Variants in RBM33 observed in about 807,000 individuals in gnomAD.
RBM33 encodes RNA-binding protein 33.
Under a neutral mutation model 132.6 loss-of-function variants are expected in RBM33, and 28 were observed. The ratio of observed to expected loss-of-function variants is 0.21; its 90% confidence interval spans 0.16 to 0.29. The LOEUF (loss-of-function observed/expected upper bound fraction) is 0.29, where lower values mean the gene tolerates loss of function less well. Ranked by LOEUF, RBM33 falls within the 10% of genes least tolerant of loss-of-function variation. The pLI is 1.00. For missense variants in RBM33, 1,291 were observed against 1,518.5 expected, an observed-to-expected ratio of 0.85 and a Z score of 2.49; for synonymous variants, 634 against 593.0, an observed-to-expected ratio of 1.07 and a Z score of -1.01.
chr7:155,665,612 GT>G (rs545904622), intron 2 of RBM33, among the ~76,000 whole-genome samples: 1 of 152,128 alleles, frequency 6.6e-6, no homozygotes, highest in Non-Finnish European at 1.5e-5. Context: ...ACACTTTAAC[GT>G]TTTTTCCATT....
rs778914658 is a variant in RBM33 at position 155,680,857 on chromosome 7, C to T, written c.516C>T (p.Tyr172=). The change falls in exon 5 of 18, where the codon TAC becomes TAT. Residue 172 remains tyrosine (Y), a synonymous_variant. Transcript: ENST00000401878. ...YVEEPEEEQL[Y]TDEVLDIEIN... ...AAGAGCCAGAGGAGGAGCAGCTTTA[C>T]ACTGATGAAGTGTTAGACATCGAGA... 6.2e-6 allele frequency: 10 copies of T among 1,613,826 alleles called. No homozygotes were observed. The highest frequency in any genetic ancestry group is 1.1e-5 in the South Asian group (1 of 91,066).
At chr7:155,675,135 C>T (rs540942487) in intron 3 of RBM33, among the ~76,000 whole-genome samples, 2 of 151,898 alleles carry the variant, frequency 1.3e-5, no homozygotes, top group East Asian at 1.9e-4. Flanking sequence ...GGTGAAACCC[C>T]GTCTCTGCTA....
At chr7:155,722,080 A>G (rs941784135) in intron 9 of RBM33, among the ~76,000 whole-genome samples, 1 of 152,196 alleles carries the variant, frequency 6.6e-6, no homozygotes, top group Non-Finnish European at 1.5e-5. Context: ...TTATGTACTT[A>G]ATTTTAGTTA....
In RBM33 at chr7:155,724,988, G is replaced by GTTTTTT. The variant is rs148975210; in HGVS notation, c.1260+6548_1260+6549insTTTTTT. On this transcript the variant is annotated intron_variant, in intron 9 of 17. Transcript: ENST00000401878. ...AGTTGCTGTAAACATTTGTGTACAG[G>GTTTTTT]TTTGTGTGTGTGTGTGTGTGTGTGT... 3.5e-3 allele frequency among the ~76,000 whole-genome samples: 414 copies of GTTTTTT among 117,212 alleles called. 6 individuals carry two copies. The highest frequency in any genetic ancestry group is 0.014 in the African/African-American group (347 of 24,274). 76.9% of individuals were successfully genotyped at this position (117,212 alleles called of 152,430 possible).
chr7:155,658,613 T>G (rs1019033354), intron 1 of RBM33, among the ~76,000 whole-genome samples: 4 of 152,004 alleles, frequency 2.6e-5, no homozygotes, highest in African/African-American at 9.7e-5. Context: ...CTTGGTCAGG[T>G]TGGTCTCAAA....
At chr7:155,751,871 T>G (rs1295077944) in intron 14 of RBM33, among the ~76,000 whole-genome samples, 1 of 152,244 alleles carries the variant, frequency 6.6e-6, no homozygotes, top group Non-Finnish European at 1.5e-5. Context: ...TTCACTATTG[T>G]TAGCAGGCAC....
intron 11 of RBM33, 97 bp downstream of exon 11, chr7:155,738,500 G>A: frequency 8.2e-7 from 1 of 1,216,496 alleles, no homozygotes; most frequent in South Asian, 1.5e-5. Context: ...CTACTAATTT[G>A]TGGTTATTTA....
chr7:155,758,497 T>A (rs922313789), intron 14 of RBM33, among the ~76,000 whole-genome samples: 1 of 152,200 alleles, frequency 6.6e-6, no homozygotes, highest in Non-Finnish European at 1.5e-5. Flanking sequence ...CCCGTGAGAA[T>A]GCCGCTGCTG....
rs189414431 is a variant in RBM33 at position 155,699,861 on chromosome 7, A to G, written c.568-912A>G. 2.6e-5 allele frequency among the ~76,000 whole-genome samples: 4 copies of G among 152,348 alleles called. No individual in the cohort carries two copies. The East Asian group carries it at 7.7e-4, about 29-fold the overall frequency. On this transcript the variant is annotated intron_variant, in intron 5 of 17. Coordinates refer to ENST00000401878, the MANE Select transcript of RBM33 (RefSeq NM_053043.3). Reference sequence around the variant, plus strand: ...GTTACTTCTATTAAGAGTAAATAACATTTACATATTACAAATCATGAGACT... The same window carrying G: ...GTTACTTCTATTAAGAGTAAATAACGTTTACATATTACAAATCATGAGACT...
chr7:155,666,059 T>C (rs1053097904), intron 2 of RBM33, among the ~76,000 whole-genome samples: 10 of 152,216 alleles, frequency 6.6e-5, no homozygotes, highest in South Asian at 2.1e-4. Context: ...GATTGCTCTT[T>C]AGTGACTCAT....
intron 9 of RBM33, among the ~76,000 whole-genome samples, chr7:155,730,552 A>G (rs946396749): frequency 6.6e-6 from 1 of 152,210 alleles, no homozygotes; most frequent in African/African-American, 2.4e-5. Context: ...GCCCAGACAG[A>G]TTCAGTCATG....
intron 1 of RBM33, among the ~76,000 whole-genome samples, chr7:155,655,732 C>T (rs1798475723): frequency 1.3e-5 from 2 of 151,962 alleles, no homozygotes; most frequent in South Asian, 4.1e-4. Flanking sequence ...ACTTCTGTTT[C>T]GTACTGAAGT....
rs1009073416 is a variant in RBM33 at position 155,776,228 on chromosome 7, T to G, written c.*1187T>G. ...ACAGTATTTCTGCTCATGAAAGAGT[T>G]TCACTATTTTGGATATATTCTAAAG... On this transcript the variant is annotated 3_prime_UTR_variant, in exon 18 of 18. Transcript: ENST00000401878. The surrounding 1 kb of genome is among the most constrained non-coding windows in gnomAD (Gnocchi z 4.0). The G allele has an allele frequency of 6.6e-6, 1 of 152,664 alleles. No individual in the cohort carries two copies. The highest frequency in any genetic ancestry group is 2.4e-5 in the African/African-American group (1 of 41,470). The allele number at this position is 152,664 out of a possible 1,614,324, so 9.5% of individuals were successfully genotyped here. A position where few individuals can be genotyped will look rare whatever the true frequency, so the allele number is the denominator to read the frequency against.
intron 6 of RBM33, 74 bp downstream of exon 6, chr7:155,701,018 C>A: frequency 1.5e-6 from 2 of 1,303,964 alleles, no homozygotes; most frequent in South Asian, 1.3e-5. Context: ...TGTAATTAAT[C>A]AAAGTAGGCA....
In RBM33 at chr7:155,778,810, G is replaced by A. The variant is rs1031778163; in HGVS notation, c.*3769G>A. ...ATTTCTTTGTTATTTTATTGGGAAG[G>A]TAAGCGGAATGTGCTCATAGACCAT... On this transcript the variant is annotated 3_prime_UTR_variant, in exon 18 of 18. Transcript: ENST00000401878. The surrounding 1 kb of genome is among the most constrained non-coding windows in gnomAD (Gnocchi z 4.0). 3 of 152,812 alleles carry A rather than the reference G, an allele frequency of 2.0e-5. No individual in the cohort carries two copies. In the Admixed American group the frequency reaches 2.0e-4, roughly 10 times the overall value. The allele number at this position is 152,812 out of a possible 1,614,324, so 9.5% of individuals were successfully genotyped here.
chr7:155,719,941 A>G (rs775677389), intron 9 of RBM33, among the ~76,000 whole-genome samples: 5 of 152,118 alleles, frequency 3.3e-5, no homozygotes, highest in Non-Finnish European at 2.9e-5. Context: ...TTTTTATTTC[A>G]TTTTTCAGTT....
chr7:155,741,536 A>T (rs1801336477), intron 12 of RBM33, among the ~76,000 whole-genome samples: 1 of 152,204 alleles, frequency 6.6e-6, no homozygotes, highest in South Asian at 2.1e-4. Flanking sequence ...GCACCTGCTA[A>T]AGATCAGCCT....
chr7:155,738,379 C>T lies in RBM33; in HGVS notation c.1713C>T (p.Pro571=). The change falls in exon 11 of 18, where the codon CCC becomes CCT. Residue 571 remains proline (P), a synonymous_variant. Transcript: ENST00000401878. ...CAGGCCCAGGACAGCCGTTTCTGCC[C>T]ACACACACACAGCCCAACCTGCAGG... ...FLPGPGQPFL[P]THTQPNLQGP... 6.2e-7 allele frequency: 1 copy of T among 1,607,260 alleles called. No homozygotes were observed. Among genetic ancestry groups the T allele is most frequent in the Non-Finnish European group, 8.5e-7 (1 of 1,175,170 alleles).
rs926658697 is a variant in RBM33 at position 155,780,320 on chromosome 7, A to G, written c.*5279A>G. 10 of 152,228 alleles carry G rather than the reference A, an allele frequency of 6.6e-5. No individual in the cohort carries two copies. The highest frequency in any genetic ancestry group is 2.4e-4 in the African/African-American group (10 of 41,460). 9.4% of individuals were successfully genotyped at this position (152,228 alleles called of 1,614,324 possible). On this transcript the variant is annotated 3_prime_UTR_variant, in exon 18 of 18. Transcript: ENST00000401878. ...TTTCTATAATCCAGCTTTGCTTTTC[A>G]CAGGCGTGGGATCCAGGATGGTGTC...
Sources: gnomAD v4.1 joint callset for allele counts (sites outside exome capture counted in the v4.1 genomes callset) on GRCh38, gnomAD v4.1.1 for gene constraint, Gnocchi (gnomAD v3.1) non-coding constraint, MANE v1.5 for transcripts, NCBI Gene and HGNC (gene_info 2026-07-23, HGNC 2026-07-21) for gene names.